The following SYNE2 variants were observed in gnomAD, a reference collection of about 807,000 sequenced individuals.
The protein encoded by SYNE2 is spectrin repeat containing nuclear envelope protein 2, also known as nesprin-2.
Under a neutral mutation model 856.3 loss-of-function variants are expected in SYNE2, and 431 were observed. That is an observed-to-expected ratio of 0.50 (90% CI 0.47 to 0.55). The LOEUF (loss-of-function observed/expected upper bound fraction) is 0.55. SYNE2 is among the 20% of genes least tolerant of loss of function. The pLI is 0.00. For synonymous variants in SYNE2, 2,923 were observed against 2,872.3 expected (o/e 1.02, Z -0.56); for missense variants, 8,129 against 8,023.2 (o/e 1.01, Z -0.50).
chr14:63,951,983 G>T (rs766659396), intron 7 of SYNE2, among the ~76,000 whole-genome samples: 1 of 152,122 alleles, frequency 6.6e-6, no homozygotes, highest in Non-Finnish European at 1.5e-5. Flanking sequence ...CCTAGTTTTG[G>T]CCATCATTGG....
At chr14:64,006,698 C>G (rs1013599984) in intron 30 of SYNE2, among the ~76,000 whole-genome samples, 2 of 151,838 alleles carry the variant, frequency 1.3e-5, no homozygotes, top group African/African-American at 4.8e-5. Flanking sequence ...CGTGGTGGTT[C>G]GCACGTGTGG....
chr14:63,852,109 G>C (rs2139971056), upstream of SYNE2, among the ~76,000 whole-genome samples: 1 of 151,398 alleles, frequency 6.6e-6, no homozygotes, highest in South Asian at 2.1e-4. Flanking sequence ...GGGCGACAGA[G>C]TGAGACCCTG....
At chr14:63,886,205 G>A (rs1217231870) in intron 1 of SYNE2, among the ~76,000 whole-genome samples, 1 of 152,118 alleles carries the variant, frequency 6.6e-6, no homozygotes, top group Non-Finnish European at 1.5e-5. Flanking sequence ...ATACATACAG[G>A]GAAACACACA....
intron 98 of SYNE2, 108 bp from the exon 99 acceptor site, chr14:64,189,963 A>AT: frequency 5.1e-6 from 5 of 981,760 alleles, no homozygotes; most frequent in Non-Finnish European, 7.3e-6. Context: ...ATGCCTGGCC[A>AT]ATTTTTTTTT....
Position 64,021,529 on chromosome 14 carries a change from G to A in SYNE2, c.5352+14G>A. 1 of 1,613,704 alleles carries A rather than the reference G, an allele frequency of 6.2e-7. No homozygotes were observed. Among genetic ancestry groups the A allele is most frequent in the Non-Finnish European group, 8.5e-7 (1 of 1,179,806 alleles). The stretch of plus-strand genomic sequence containing the variant: ...ACTAAACTAGAGGTGCTACCGAGCT[G>A]CTTGTCTTCTGTGGTTCAGATTTAT... On this transcript the variant is annotated intron_variant, in intron 36 of 115. Coordinates refer to ENST00000555002, the MANE Select transcript of SYNE2 (RefSeq NM_182914.3).
intron 12 of SYNE2, among the ~76,000 whole-genome samples, 168 bp downstream of exon 12, chr14:63,976,895 A>G (rs973018326): frequency 6.6e-5 from 10 of 152,054 alleles, no homozygotes; most frequent in African/African-American, 1.9e-4. Flanking sequence ...CTTTACCTTC[A>G]TGACCATTGT....
At chr14:64,163,149 A>G (rs956888778) in intron 88 of SYNE2, among the ~76,000 whole-genome samples, 4 of 152,234 alleles carry the variant, frequency 2.6e-5, no homozygotes, top group Non-Finnish European at 5.9e-5. Context: ...CAGTTTCTAT[A>G]CACTAGAAGC....
chr14:64,218,263 T>A, intron 108 of SYNE2, 135 bp from the exon 109 acceptor site: 1 of 804,218 alleles, frequency 1.2e-6, no homozygotes, highest in Non-Finnish European at 2.1e-6. Context: ...AAAGCACCAC[T>A]GTATTCCTAG....
intron 1 of SYNE2, among the ~76,000 whole-genome samples, chr14:63,876,710 T>G (rs920993101): frequency 6.6e-6 from 1 of 152,070 alleles, no homozygotes; most frequent in Non-Finnish European, 1.5e-5. Context: ...ATGGTCTCGA[T>G]CTCCTGACCT....
In SYNE2 at chr14:64,226,224, T is replaced by TGTAAA. The variant is rs1000375127; in HGVS notation, c.*704_*708dup. ...GATTTTAGCTGGAGCTTTTGACTAA[T>TGTAAA]GTAAAGTAAATGCCAAACTACCGAC... On this transcript the variant is annotated 3_prime_UTR_variant, in exon 116 of 116. Coordinates refer to ENST00000555002, the MANE Select transcript of SYNE2 (RefSeq NM_182914.3). 2.6e-5 allele frequency: 4 copies of TGTAAA among 152,574 alleles called. No individual in the cohort carries two copies. The highest frequency in any genetic ancestry group is 7.2e-5 in the African/African-American group (3 of 41,392). The allele number at this position is 152,574 out of a possible 1,614,324, so 9.5% of individuals were successfully genotyped here.
chr14:64,046,803 G>C (rs1483293838), intron 45 of SYNE2, among the ~76,000 whole-genome samples: 1 of 152,216 alleles, frequency 6.6e-6, no homozygotes, highest in Admixed American at 6.5e-5. Context: ...GCTGCTCTGG[G>C]TGCCGAGACA....
intron 64 of SYNE2, among the ~76,000 whole-genome samples, chr14:64,106,509 C>T (rs376717247): frequency 3.3e-5 from 5 of 151,994 alleles, no homozygotes; most frequent in Non-Finnish European, 5.9e-5. Flanking sequence ...ATTAGCTGGG[C>T]GTGGTGGCGG....
At chr14:64,076,247 C>A in intron 54 of SYNE2, 147 bp downstream of exon 54, 2 of 811,854 alleles carry the variant, frequency 2.5e-6, no homozygotes, top group South Asian at 1.7e-5. Flanking sequence ...CTATTGAATG[C>A]TAAGATAAAG....
Position 64,131,568 on chromosome 14 carries a change from GTTTGTT to G in SYNE2, c.14341-675_14341-670del, listed in dbSNP as rs562924169. Among the ~76,000 whole-genome samples the G allele has an allele frequency of 1.8e-3, 270 of 152,108 alleles. 1 individual carries two copies. The highest frequency in any genetic ancestry group is 0.01 in the Middle Eastern group (3 of 294). On this transcript the variant is annotated intron_variant, in intron 76 of 115. Transcript: ENST00000555002. Reference sequence around the variant, plus strand: ...CCACAGTGACATCTGTTTTTTGTTTGTTTGTTTTTGTTTTTGTTTTTGTTTTTTTAA... The same window carrying G: ...CCACAGTGACATCTGTTTTTTGTTTGTTTGTTTTTGTTTTTGTTTTTTTAA...
At chr14:64,085,037 A>G (rs1177699608) in intron 57 of SYNE2, 2 of 702,122 alleles carry the variant, frequency 2.8e-6, no homozygotes, top group South Asian at 1.5e-5. Context: ...ACAATCTCCA[A>G]GAGAGTGAGA....
At chr14:64,046,179 T>TA (rs1403824739) in intron 45 of SYNE2, among the ~76,000 whole-genome samples, 1 of 152,230 alleles carries the variant, frequency 6.6e-6, no homozygotes, top group Admixed American at 6.5e-5. Context: ...CACAAATATT[T>TA]ATTGAAAGAA....
Position 64,209,494 on chromosome 14 carries a change from C to T in SYNE2, c.18456C>T (p.Leu6152=). 1 of 1,614,222 alleles carries T rather than the reference C, an allele frequency of 6.2e-7. No homozygotes were observed. Among genetic ancestry groups the T allele is most frequent in the Middle Eastern group, 1.6e-4 (1 of 6,062 alleles). The part of the protein sequence containing the change: ...LDDYSRFEDW[L]KSAERTAACP... ...ACTATTCTCGCTTTGAGGACTGGCT[C>T]AAGTCAGCTGAGAGGACGGCAGCCT... The change falls in exon 102 of 116, where the codon CTC becomes CTT. Residue 6152 remains leucine, a synonymous_variant. Coordinates refer to ENST00000555002, the MANE Select transcript of SYNE2 (RefSeq NM_182914.3).
rs1184658383 is a variant in SYNE2 at position 63,993,890 on chromosome 14, A to C, written c.2702A>C (p.Glu901Ala). 1 of 1,612,870 alleles carries C rather than the reference A, an allele frequency of 6.2e-7. No homozygotes were observed. The highest frequency in any genetic ancestry group is 1.7e-5 in the Admixed American group (1 of 59,952). The change falls in exon 22 of 116, where the codon GAA (glutamate) becomes GCA (alanine). Residue 901 changes from glutamate to alanine, a missense_variant. By Grantham distance (107) the Glu-to-Ala change is moderately radical. Around this residue, in one of 3 missense-constraint regions of SYNE2, gnomAD observed 2,422 missense variants for 2,357.4 expected, o/e 1.03. Coordinates refer to ENST00000555002, the MANE Select transcript of SYNE2 (RefSeq NM_182914.3). ...CTGGCCAAGTATTTGAAAGCTGTTG[A>C]AGAACTAAAAAATAATGTAACTGAG... ...KSLAKYLKAV[E>A]ELKNNVTEDI...
chr14:64,123,196 G>T (rs888414912), intron 70 of SYNE2, among the ~76,000 whole-genome samples: 1 of 152,080 alleles, frequency 6.6e-6, no homozygotes, highest in Admixed American at 6.5e-5. Context: ...GCCAACGCCT[G>T]TGCCGATGGC....
Sources: allele counts gnomAD v4.1 joint callset (sites outside exome capture counted in the v4.1 genomes callset), GRCh38; gene constraint gnomAD v4.1.1; regional missense constraint gnomAD v4.1.1; transcripts MANE v1.5; gene names NCBI Gene and HGNC (gene_info 2026-07-23, HGNC 2026-07-21).